MYO9B: variants seen among roughly 807,000 people sequenced by gnomAD.
MYO9B encodes the protein myosin IXB.
A neutral mutation model predicts 229.5 loss-of-function variants in MYO9B; 71 were observed. The observed-to-expected ratio is 0.31, with a 90% CI of 0.26 to 0.38. The LOEUF is 0.38. Ranked by LOEUF, MYO9B falls within the 10% of genes least tolerant of loss-of-function variation. The probability of loss-of-function intolerance (pLI) is 1.00; values close to 1 mark genes in which losing one functional copy is unlikely to be tolerated. For synonymous variants in MYO9B, 1,185 were observed against 1,235.8 expected, an observed-to-expected ratio of 0.96 and a Z score of 0.86; for missense variants, 2,255 against 2,920.5, an observed-to-expected ratio of 0.77 and a Z score of 5.25.
In MYO9B at chr19:17,195,483, A is replaced by C. The variant is rs778071742; in HGVS notation, c.4046+10A>C. The C allele has an allele frequency of 6.3e-7, 1 of 1,583,284 alleles. No homozygotes were observed. Among genetic ancestry groups the C allele is most frequent in the Admixed American group, 1.8e-5 (1 of 57,000 alleles). ...CCCTCACGCCCACAGAGTAAGCCCCACACCCTCTTTTGTCTGAGCACCAGG... is the reference window on the plus strand; with the variant it reads ...CCCTCACGCCCACAGAGTAAGCCCCCCACCCTCTTTTGTCTGAGCACCAGG... On this transcript the variant is annotated intron_variant, in intron 22 of 39. Coordinates refer to ENST00000682292, the MANE Select transcript of MYO9B (RefSeq NM_004145.4). The surrounding 1 kb of genome is among the most constrained non-coding windows in gnomAD (Gnocchi z 4.5).
Position 17,131,070 on chromosome 19 carries a change from C to T in MYO9B, c.841-14327C>T, listed in dbSNP as rs544447889. Among the ~76,000 whole-genome samples, 8 of 152,244 alleles carry T rather than the reference C, an allele frequency of 5.3e-5. No individual in the cohort carries two copies. The South Asian group carries it at 1.5e-3, about 28-fold the overall frequency. ...GTCTTCAGCAAGAATCCTGTTAGGT[C>T]GGTTTAGCTAGAAACTGCTGTATGC... On this transcript the variant is annotated intron_variant, in intron 2 of 39. Coordinates refer to ENST00000682292, the MANE Select transcript of MYO9B (RefSeq NM_004145.4).
intron 1 of MYO9B, among the ~76,000 whole-genome samples, chr19:17,099,990 G>A (rs770869465): frequency 1.1e-4 from 17 of 150,064 alleles, no homozygotes; most frequent in East Asian, 2.0e-4. Context: ...GCGTGGTGGC[G>A]GGGTGCCTGT....
chr19:17,142,159 T>G (rs2072348656), intron 2 of MYO9B, among the ~76,000 whole-genome samples: 1 of 120,550 alleles, frequency 8.3e-6, no homozygotes, highest in African/African-American at 3.9e-5. Flanking sequence ...AGCAAGACCC[T>G]GCCTTTTAAA....
At position 17,212,112 on chromosome 19, in the gene MYO9B, C is replaced by G. The variant is rs372531947; in HGVS notation, c.6276C>G (p.Ala2092=). The G allele has an allele frequency of 6.3e-7, 1 of 1,590,196 alleles. No homozygotes were observed. The highest frequency in any genetic ancestry group is 8.5e-7 in the Non-Finnish European group (1 of 1,170,140). ...CACCGGGTGCCCGGGAGGCGGCTGC[C>G]CCAGTGCGGCGCCGGGAGCCACCTG... The part of the protein sequence containing the change: ...RWAPGAREAA[A]PVRRREPPAR... Residue 2092 remains alanine (A), a synonymous_variant, in exon 40 of 40, where the codon GCC becomes GCG. Coordinates refer to ENST00000682292, the MANE Select transcript of MYO9B (RefSeq NM_004145.4). This position sits in a 1 kb window ranked among gnomAD's most constrained non-coding sequence, Gnocchi z 5.4.
intron 1 of MYO9B, among the ~76,000 whole-genome samples, chr19:17,085,771 G>C (rs1256839295): frequency 1.3e-5 from 2 of 152,072 alleles, no homozygotes; most frequent in Non-Finnish European, 2.9e-5. Context: ...GTTCGAGACC[G>C]GCCTGGGCAA....
Position 17,101,751 on chromosome 19 carries a change from C to T in MYO9B, c.34C>T (p.Arg12Trp), listed in dbSNP as rs754792692. The T allele has an allele frequency of 1.3e-5, 21 of 1,592,922 alleles. No individual in the cohort carries two copies. Among genetic ancestry groups the T allele is most frequent in the East Asian group, 2.3e-5 (1 of 44,178 alleles). ...GAAAGAGGCAGGCAGCTCGGGCCGC[C>T]GGGAGCAGGCGGCCTACCACCTGCA... ...SVKEAGSSGR[R>W]EQAAYHLHIY... Residue 12 changes from arginine (R) to tryptophan (W), a missense_variant, in exon 2 of 40, where the codon CGG (arginine) becomes TGG (tryptophan). Physicochemically the swap from Arg to Trp is moderately radical, Grantham distance 101. Around this residue, in one of 7 missense-constraint regions of MYO9B, gnomAD observed 386 missense variants for 515.2 expected, o/e 0.75. Transcript: ENST00000682292. The surrounding 1 kb of genome is among the most constrained non-coding windows in gnomAD (Gnocchi z 4.7).
chr19:17,101,776 A>C lies in MYO9B; in HGVS notation c.59A>C (p.His20Pro). 1 of 1,602,130 alleles carries C rather than the reference A, an allele frequency of 6.2e-7. No individual in the cohort carries two copies. The highest frequency in any genetic ancestry group is 8.5e-7 in the Non-Finnish European group (1 of 1,178,062). ...GRREQAAYHL[H>P]IYPQLSTTES... is the part of the protein sequence containing the mutation. ...CGGGAGCAGGCGGCCTACCACCTGC[A>C]CATCTACCCCCAGCTGTCCACCACC... is the stretch of plus-strand genomic sequence containing the variant. Residue 20 changes from histidine to proline, a missense_variant, in exon 2 of 40, where the codon CAC becomes CCC. Coordinates refer to ENST00000682292, the MANE Select transcript of MYO9B (RefSeq NM_004145.4). This position sits in a 1 kb window ranked among gnomAD's most constrained non-coding sequence, Gnocchi z 4.7.
In MYO9B at chr19:17,139,869, C is replaced by T. The variant is rs563871601; in HGVS notation, c.841-5528C>T. On this transcript the variant is annotated intron_variant, in intron 2 of 39. Transcript: ENST00000682292. ...CCAGCCTGACCAACATGGAGAAACC[C>T]CGTCTCTACTAAAAATACAAAATTA... is the stretch of plus-strand genomic sequence containing the variant. Among the ~76,000 whole-genome samples the T allele has an allele frequency of 3.3e-5, 5 of 152,184 alleles. 1 individual carries two copies. In the South Asian group the frequency reaches 1.0e-3, roughly 32 times the overall value.
intron 2 of MYO9B, among the ~76,000 whole-genome samples, chr19:17,118,863 G>T (rs2057933977): frequency 1.3e-5 from 2 of 152,260 alleles, no homozygotes; most frequent in South Asian, 4.1e-4. Flanking sequence ...AGGTGTAATT[G>T]TTAATAAGAT....
intron 18 of MYO9B, among the ~76,000 whole-genome samples, chr19:17,187,571 C>CTT (rs1338627196): frequency 1.1e-5 from 1 of 94,096 alleles, no homozygotes; most frequent in Non-Finnish European, 1.9e-5. Context: ...TTTTTTCTTT[C>CTT]TTTTTTTTTT....
intron 2 of MYO9B, among the ~76,000 whole-genome samples, chr19:17,126,696 G>A (rs1235958750): frequency 4.3e-5 from 6 of 138,798 alleles, no homozygotes; most frequent in East Asian, 2.1e-4. Context: ...ACGGAGTCTC[G>A]CCCTGTTGCC....
At chr19:17,173,097 A>C in intron 13 of MYO9B, 134 bp downstream of exon 13, 1 of 1,113,740 alleles carries the variant, frequency 9.0e-7, no homozygotes, top group Non-Finnish European at 1.3e-6. Flanking sequence ...TGTCTACCTG[A>C]AGTGTTCCTG....
intron 22 of MYO9B, among the ~76,000 whole-genome samples, chr19:17,196,245 TAGAG>T (rs1348822519): frequency 6.7e-6 from 1 of 149,800 alleles, no homozygotes; most frequent in Non-Finnish European, 1.5e-5. Context: ...TGGAAAATGA[TAGAG>T]GTGATGAATG....
At chr19:17,152,102 G>A (rs112685808) in intron 3 of MYO9B, among the ~76,000 whole-genome samples, 30 of 150,898 alleles carry the variant, frequency 2.0e-4, no homozygotes, top group African/African-American at 6.6e-4. Flanking sequence ...CAGGAGAATC[G>A]CTTGAACTCA....
intron 32 of MYO9B, 23 bp from the exon 33 acceptor site, chr19:17,206,225 G>GGGGGCCCCCC: frequency 7.0e-6 from 11 of 1,564,644 alleles, no homozygotes; most frequent in African/African-American, 1.4e-5. Context: ...CCGCTCACCA[G>GGGGGCCCCCC]ACCCACCCCA....
intron 1 of MYO9B, among the ~76,000 whole-genome samples, chr19:17,084,402 A>C (rs1399598695): frequency 1.3e-5 from 2 of 152,006 alleles, no homozygotes; most frequent in East Asian, 3.9e-4. Flanking sequence ...GGAAAGAATC[A>C]ATTTTTTTCC....
rs556631781 is a variant in MYO9B at position 17,109,792 on chromosome 19, C to T, written c.840+7235C>T. 3.2e-4 allele frequency among the ~76,000 whole-genome samples: 49 copies of T among 152,346 alleles called. 1 individual carries two copies. Among genetic ancestry groups the T allele is most frequent in the Admixed American group, 2.5e-3 (38 of 15,296 alleles). Reference sequence around the variant, plus strand: ...TCTCCCCTGTGTGTGTCCAATCTCCCTTGCCTTTCTCTCATGGGATCACCT... The same window carrying T: ...TCTCCCCTGTGTGTGTCCAATCTCCTTTGCCTTTCTCTCATGGGATCACCT... On this transcript the variant is annotated intron_variant, in intron 2 of 39. Coordinates refer to ENST00000682292, the MANE Select transcript of MYO9B (RefSeq NM_004145.4).
At chr19:17,157,179 T>G in intron 7 of MYO9B, 141 bp downstream of exon 7, 4 of 1,050,126 alleles carry the variant, frequency 3.8e-6, no homozygotes, top group Non-Finnish European at 5.3e-6. Flanking sequence ...CTATCATCTC[T>G]ACAGTGTTCC....
Position 17,205,962 on chromosome 19 carries a change from C to T in MYO9B, c.5067C>T (p.Gly1689=), listed in dbSNP as rs764320157. 2.4e-5 allele frequency: 37 copies of T among 1,554,304 alleles called. 1 individual carries two copies. Among genetic ancestry groups the T allele is most frequent in the Middle Eastern group, 1.7e-4 (1 of 5,864 alleles). Residue 1689 remains glycine (G), a splice_region_variant and synonymous_variant, in exon 32 of 40, where the codon GGC becomes GGT. Transcript: ENST00000682292. ...SHCSYTYGRK[G]EPGVEPGHFG... is the part of the protein sequence containing the mutation. ...GACCCCCAACCCCGGCACTGCAGGG[C>T]GAGCCAGGCGTTGAGCCTGGCCACT...
Sources: gnomAD v4.1 joint callset for allele counts (sites outside exome capture counted in the v4.1 genomes callset) on GRCh38, gnomAD v4.1.1 for gene constraint, gnomAD v4.1.1 regional missense constraint, Gnocchi (gnomAD v3.1) non-coding constraint, MANE v1.5 for transcripts, NCBI Gene and HGNC (gene_info 2026-07-23, HGNC 2026-07-21) for gene names.